MTERF4: variants seen among roughly 807,000 people sequenced by gnomAD.
MTERF4 encodes the protein transcription termination factor 4, mitochondrial.
In MTERF4, 17 loss-of-function variants were observed where a neutral mutation model predicts 22.5. The ratio of observed to expected loss-of-function variants is 0.75; its 90% CI spans 0.52 to 1.13. MTERF4 has a LOEUF of 1.13. MTERF4 is among the 50% of genes most tolerant of loss of function. MTERF4 has a pLI of 0.00. For synonymous variants in MTERF4, 165 were observed against 175.3 expected (o/e 0.94, Z 0.47); for missense variants, 420 against 466.8 (o/e 0.90, Z 0.92).
At chr2:241,049,809 GC>G in the MTERF4 span, 2 of 1,606,914 alleles carry the variant, frequency 1.2e-6, no homozygotes, top group African/African-American at 1.3e-5. Flanking sequence ...TCTGTCCCCC[GC>G]CCCCAGCCCT....
the MTERF4 span, among the ~76,000 whole-genome samples, chr2:241,052,692 G>GCCCAAGCA: frequency 2.9e-4 from 6 of 20,450 alleles, 2 homozygotes; most frequent in African/African-American, 2.2e-3. Context: ...AGGGTCGGCG[G>GCCCAAGCA]GGGGGGGGGG....
intron 4 of MTERF4, among the ~76,000 whole-genome samples, chr2:241,078,342 C>T (rs2063142452): frequency 6.8e-6 from 1 of 147,940 alleles, no homozygotes; most frequent in Admixed American, 6.7e-5. Flanking sequence ...GAGATCGCGC[C>T]ACTGCACTGC....
the MTERF4 span, among the ~76,000 whole-genome samples, chr2:241,066,631 T>C: frequency 0.014 from 1,415 of 98,000 alleles, 25 homozygotes; most frequent in African/African-American, 0.041. Flanking sequence ...GCGTGATGGA[T>C]GGATGGGTGG....
the MTERF4 span, among the ~76,000 whole-genome samples, chr2:241,055,488 T>C: frequency 6.6e-6 from 1 of 152,140 alleles, no homozygotes; most frequent in East Asian, 1.9e-4. Context: ...AGAGATCCAT[T>C]TGGTTAGGGT....
intron 4 of MTERF4, among the ~76,000 whole-genome samples, chr2:241,079,113 C>CAA (rs1274280801): frequency 0.035 from 2,532 of 72,450 alleles, 53 homozygotes; most frequent in African/African-American, 0.045. Context: ...GACTCCATCT[C>CAA]AAAAAAAAAA....
chr2:241,071,381 C>G, downstream of MTERF4: 1 of 628,014 alleles, frequency 1.6e-6, no homozygotes, highest in Admixed American at 2.7e-5. Flanking sequence ...AGAAGGGATG[C>G]GGCGGGTGGG....
rs2064371392 is a variant in MTERF4, at chr2:241,095,775, C to T, written c.*223G>A. The T allele has an allele frequency of 2.8e-6, 2 of 721,606 alleles. No individual in the cohort carries two copies. Among genetic ancestry groups the T allele is most frequent in the South Asian group, 4.0e-5 (2 of 50,136 alleles). 44.7% of individuals were successfully genotyped at this position (721,606 alleles called of 1,614,324 possible). ...TATCTTATTCAGGATGGGACAGGGC[C>T]CTCCCCACAGACACGTGACAACAGA... On this transcript the variant is annotated 3_prime_UTR_variant, in exon 4 of 4. Transcript: ENST00000391980.
chr2:241,089,010 G>T, downstream of MTERF4: 1 of 308,110 alleles, frequency 3.2e-6, no homozygotes, highest in East Asian at 6.4e-5. Flanking sequence ...ACTTCCTCTC[G>T]CCTTTGTTTA....
intron 4 of MTERF4, among the ~76,000 whole-genome samples, chr2:241,079,442 C>T (rs959689337): frequency 2.0e-5 from 3 of 148,408 alleles, no homozygotes; most frequent in African/African-American, 7.4e-5. Context: ...ACGTGCAGAA[C>T]AGTGTTTTCA....
intron 2 of MTERF4, among the ~76,000 whole-genome samples, chr2:241,098,480 C>G (rs74000382): frequency 1.3e-5 from 2 of 152,192 alleles, no homozygotes; most frequent in South Asian, 4.2e-4. Context: ...TCCTTGGAGA[C>G]CCCCAACTCC....
chr2:241,068,812 C>A, downstream of MTERF4: 1 of 802,060 alleles, frequency 1.2e-6, no homozygotes, highest in Non-Finnish European at 2.0e-6. The surrounding 1 kb of genome is among the most constrained non-coding windows in gnomAD (Gnocchi z 5.3). Flanking sequence ...GATGACCTCC[C>A]CGCAGTCACC....
At chr2:241,091,728 C>T (rs1457372179), downstream of MTERF4, 1 of 152,280 alleles carries the variant, frequency 6.6e-6, no homozygotes, top group Non-Finnish European at 1.5e-5. This position sits in a 1 kb window ranked among gnomAD's most constrained non-coding sequence, Gnocchi z 4.1. Context: ...AAAAGGACAC[C>T]CTGAGAAAAG....
chr2:241,049,251 G>A, the MTERF4 span: 1 of 739,746 alleles, frequency 1.4e-6, no homozygotes, highest in Non-Finnish European at 2.3e-6. Flanking sequence ...ACTCTCGGGA[G>A]AGCTGGCACC....
chr2:241,052,834 G>A, the MTERF4 span, among the ~76,000 whole-genome samples: 1 of 145,148 alleles, frequency 6.9e-6, no homozygotes, highest in Admixed American at 6.8e-5. Context: ...GGATGCCGGT[G>A]TCAGGCAGGT....
At chr2:241,072,546 T>C (rs1246940398) in exon 5 of MTERF4, 6 of 318,544 alleles carry the variant, frequency 1.9e-5, no homozygotes, top group South Asian at 5.1e-5. Flanking sequence ...TAGTCACCAG[T>C]TTAATGAACA....
At position 241,096,207 on chromosome 2, in the gene MTERF4, A is replaced by G; in HGVS notation, c.937T>C (p.Phe313Leu). 1 of 1,613,518 alleles carries G rather than the reference A, an allele frequency of 6.2e-7. No individual in the cohort carries two copies. The highest frequency in any genetic ancestry group is 8.5e-7 in the Non-Finnish European group (1 of 1,179,914). The change falls in exon 4 of 4, where the codon TTT becomes CTT. Residue 313 changes from phenylalanine to leucine, a missense_variant. Coordinates refer to ENST00000391980, the MANE Select transcript of MTERF4 (RefSeq NM_182501.4). The surrounding 1 kb of genome is among the most constrained non-coding windows in gnomAD (Gnocchi z 5.1). ...ARTACTSVEE[F>L]QVFKKLLARE... ...GCCAGGAGCTTCTTAAAAACTTGAAACTCCTCAACAGAAGTACAGGCTGTC... is the reference window on the plus strand; with the variant it reads ...GCCAGGAGCTTCTTAAAAACTTGAAGCTCCTCAACAGAAGTACAGGCTGTC...
chr2:241,059,509 T>A, the MTERF4 span, among the ~76,000 whole-genome samples: 1 of 152,170 alleles, frequency 6.6e-6, no homozygotes, highest in African/African-American at 2.4e-5. Context: ...CTGGTATCTC[T>A]CAAGAACATA....
the MTERF4 span, among the ~76,000 whole-genome samples, chr2:241,054,482 C>G: frequency 6.6e-6 from 1 of 151,842 alleles, no homozygotes; most frequent in African/African-American, 2.4e-5. Flanking sequence ...GGCAGGAGAT[C>G]ACTTGAACCT....
intron 4 of MTERF4, among the ~76,000 whole-genome samples, chr2:241,077,078 C>CAAA (rs377757851): frequency 1.0e-4 from 12 of 114,552 alleles, no homozygotes; most frequent in South Asian, 5.8e-4. Flanking sequence ...GACTCCGTCT[C>CAAA]AAAAAAAAAA....
Sources: gnomAD v4.1 joint callset for allele counts (sites outside exome capture counted in the v4.1 genomes callset) on GRCh38, gnomAD v4.1.1 for gene constraint, Gnocchi (gnomAD v3.1) non-coding constraint, MANE v1.5 for transcripts, NCBI Gene and HGNC (gene_info 2026-07-23, HGNC 2026-07-21) for gene names.